The following CNTLN variants were observed in gnomAD, a reference collection of about 807,000 sequenced individuals.
CNTLN encodes the protein centlein, also known as centlein, centrosomal protein.
Under a neutral mutation model 180.0 loss-of-function variants are expected in CNTLN, and 212 were observed. The ratio of observed to expected loss-of-function variants is 1.18; its 90% CI spans 1.05 to 1.32. The LOEUF is 1.32. Ranked by LOEUF, CNTLN falls within the 40% of genes most tolerant of loss-of-function variation. The probability of loss-of-function intolerance (pLI) is 0.00; values close to 1 mark genes in which losing one functional copy is unlikely to be tolerated. For missense variants in CNTLN, 2,095 were observed against 1,610.9 expected (o/e 1.30, Z -5.14); for synonymous variants, 722 against 563.1 (o/e 1.28, Z -3.99).
chr9:17,232,238 A>C (rs1824859498), intron 3 of CNTLN, among the ~76,000 whole-genome samples: 1 of 151,914 alleles, frequency 6.6e-6, no homozygotes, highest in African/African-American at 2.4e-5. Context: ...TGTCTAACTT[A>C]TTTTCTTTAA....
At chr9:17,182,125 C>T (rs1821160670) in intron 2 of CNTLN, among the ~76,000 whole-genome samples, 1 of 152,064 alleles carries the variant, frequency 6.6e-6, no homozygotes, top group South Asian at 2.1e-4. Flanking sequence ...GTCTAGGCTC[C>T]TCTCGTGGCC....
intron 18 of CNTLN, among the ~76,000 whole-genome samples, chr9:17,437,305 A>G (rs1219108154): frequency 1.3e-5 from 2 of 152,214 alleles, no homozygotes; most frequent in Non-Finnish European, 2.9e-5. Flanking sequence ...ACTGTATACT[A>G]TAAAATTGCA....
intron 2 of CNTLN, among the ~76,000 whole-genome samples, chr9:17,183,969 G>A (rs1343534537): frequency 1.3e-5 from 2 of 152,098 alleles, no homozygotes; most frequent in Admixed American, 1.3e-4. Context: ...CCAGTCAAGT[G>A]TAAAGTAAGT....
In CNTLN at chr9:17,301,671, T is replaced by C. The variant is rs1412063241; in HGVS notation, c.1146+3319T>C. On this transcript the variant is annotated intron_variant, in intron 7 of 25. Coordinates refer to ENST00000380647, the MANE Select transcript of CNTLN (RefSeq NM_017738.4). ...ATGCTTGTAGTTGTTCATACAGTTTTCATTAGTATCCTCAACTAGACTCAA... is the reference window on the plus strand; with the variant it reads ...ATGCTTGTAGTTGTTCATACAGTTTCCATTAGTATCCTCAACTAGACTCAA... 10 of 966,970 alleles carry C rather than the reference T, an allele frequency of 1.0e-5. No individual in the cohort carries two copies. In the East Asian group the frequency reaches 1.0e-3, roughly 100 times the overall value. 59.9% of individuals were successfully genotyped at this position (966,970 alleles called of 1,614,324 possible).
intron 25 of CNTLN, among the ~76,000 whole-genome samples, chr9:17,493,364 A>G (rs1429786332): frequency 2.6e-5 from 4 of 152,162 alleles, no homozygotes; most frequent in Admixed American, 2.6e-4. Context: ...TTAATATAAG[A>G]GCCAAAATAG....
At chr9:17,299,037 A>G (rs1247505965) in intron 7 of CNTLN, 2 of 551,794 alleles carry the variant, frequency 3.6e-6, no homozygotes, top group Non-Finnish European at 4.6e-6. Context: ...AGGTCAAGAG[A>G]TCGAGACCAT....
chr9:17,388,155 C>T lies in CNTLN; in HGVS notation c.1988-7C>T, dbSNP rs778624807. The T allele has an allele frequency of 6.3e-7, 1 of 1,580,504 alleles. No homozygotes were observed. On this transcript the variant is annotated splice_region_variant and splice_polypyrimidine_tract_variant and intron_variant, in intron 13 of 25. Transcript: ENST00000380647. ...GGTATCATAATATATTATTTATTCT[C>T]TACCAGAACAGCTCTTTAGATCTGG...
intron 15 of CNTLN, among the ~76,000 whole-genome samples, chr9:17,401,924 T>TAAA (rs1554712138): frequency 6.6e-6 from 1 of 151,372 alleles, no homozygotes; most frequent in Admixed American, 6.6e-5. Flanking sequence ...AAAGGACTAA[T>TAAA]ATCCAGAAGA....
At chr9:17,403,151 C>T (rs999784584) in intron 15 of CNTLN, among the ~76,000 whole-genome samples, 10 of 151,492 alleles carry the variant, frequency 6.6e-5, no homozygotes, top group Admixed American at 1.3e-4. Flanking sequence ...TGGGGAGGTT[C>T]GTGGATGGAC....
chr9:17,194,573 C>A (rs2131831132), intron 2 of CNTLN, among the ~76,000 whole-genome samples: 1 of 152,240 alleles, frequency 6.6e-6, no homozygotes, highest in South Asian at 2.1e-4. Context: ...CTTTATTATC[C>A]ATATCAGTAT....
At chr9:17,449,033 C>G (rs1322275422) in intron 18 of CNTLN, among the ~76,000 whole-genome samples, 1 of 152,090 alleles carries the variant, frequency 6.6e-6, no homozygotes, top group Non-Finnish European at 1.5e-5. Flanking sequence ...GCATTGCAAC[C>G]TCATAGTCAT....
At chr9:17,518,036 CTTTTTTTT>C in the CNTLN span, among the ~76,000 whole-genome samples, 16 of 69,244 alleles carry the variant, frequency 2.3e-4, no homozygotes, top group African/African-American at 9.0e-4. Flanking sequence ...TTTTCTTTTC[CTTTTTTTT>C]TTTTTTTTTT....
In CNTLN at chr9:17,502,603, A is replaced by C. The variant is rs748215316; in HGVS notation, c.4172A>C (p.Lys1391Thr). 5 of 1,413,918 alleles carry C rather than the reference A, an allele frequency of 3.5e-6. No homozygotes were observed. The East Asian group carries it at 1.2e-4, about 34-fold the overall frequency. 87.6% of individuals were successfully genotyped at this position (1,413,918 alleles called of 1,614,324 possible). A position where few individuals can be genotyped will look rare whatever the true frequency, so the allele number is the denominator to read the frequency against. ...LEAVLEKINE[K>T]KKLVEGYFTI... ...GCAGTACTGGAAAAAATAAATGAAA[A>C]AAAGAAACTAGTTGAAGGATATTTC... is the stretch of plus-strand genomic sequence containing the variant. Residue 1391 changes from lysine (K) to threonine (T), a missense_variant, in exon 26 of 26, where the codon AAA (lysine) becomes ACA (threonine). Coordinates refer to ENST00000380647, the MANE Select transcript of CNTLN (RefSeq NM_017738.4).
chr9:17,290,117 GT>G (rs1489237852), intron 6 of CNTLN, among the ~76,000 whole-genome samples: 1 of 152,120 alleles, frequency 6.6e-6, no homozygotes, highest in African/African-American at 2.4e-5. Context: ...TTTCTGTTCT[GT>G]TTTTTCCCCA....
At chr9:17,432,219 T>A (rs932203342) in intron 18 of CNTLN, among the ~76,000 whole-genome samples, 7 of 151,952 alleles carry the variant, frequency 4.6e-5, no homozygotes, top group African/African-American at 1.7e-4. Flanking sequence ...AAAAACAAAA[T>A]CCTTCAATGG....
intron 12 of CNTLN, among the ~76,000 whole-genome samples, chr9:17,352,416 A>ATATAT (rs1469636947): frequency 1.9e-4 from 6 of 31,302 alleles, no homozygotes; most frequent in African/African-American, 5.9e-4. Context: ...ATATATATAT[A>ATATAT]TTTTTTTTTT....
At chr9:17,309,343 T>C in intron 8 of CNTLN, 91 bp downstream of exon 8, 2 of 957,670 alleles carry the variant, frequency 2.1e-6, no homozygotes, top group Non-Finnish European at 3.0e-6. Context: ...TTAAATATAT[T>C]TGCATTTATT....
chr9:17,288,620 C>A (rs1829152427), intron 6 of CNTLN, among the ~76,000 whole-genome samples: 1 of 132,380 alleles, frequency 7.6e-6, no homozygotes. Context: ...TTAAAGTCTC[C>A]CATTATTAAT....
intron 25 of CNTLN, among the ~76,000 whole-genome samples, chr9:17,493,953 A>G (rs924214241): frequency 6.6e-6 from 1 of 152,220 alleles, no homozygotes; most frequent in African/African-American, 2.4e-5. Flanking sequence ...CATGAGAAGA[A>G]GTTAGCTCAA....
Sources: gnomAD v4.1 joint callset for allele counts (sites outside exome capture counted in the v4.1 genomes callset) on GRCh38, gnomAD v4.1.1 for gene constraint, MANE v1.5 for transcripts, NCBI Gene and HGNC (gene_info 2026-07-23, HGNC 2026-07-21) for gene names.